NAV2: variants seen among roughly 807,000 people sequenced by gnomAD.
The protein encoded by NAV2 is neuron navigator 2.
NAV2 carries 54 observed loss-of-function variants against 223.2 expected under a neutral mutation model. The ratio of observed to expected loss-of-function variants is 0.24; its 90% CI spans 0.19 to 0.30. NAV2 has a LOEUF of 0.30. NAV2 is among the 10% of genes least tolerant of loss of function. The pLI is 1.00. For missense variants in NAV2, 2,806 were observed against 3,147.5 expected, an observed-to-expected ratio of 0.89 and a Z score of 2.60; for synonymous variants, 1,279 against 1,239.3, an observed-to-expected ratio of 1.03 and a Z score of -0.67.
chr11:20,103,977 G>A (rs763566577), intron 34 of NAV2, among the ~76,000 whole-genome samples: 1 of 152,234 alleles, frequency 6.6e-6, no homozygotes, highest in Non-Finnish European at 1.5e-5. Context: ...GTCAGTGGCA[G>A]AGTGGAACTT....
At chr11:19,467,014 C>CACACACACACACACAG (rs1852383403) in intron 1 of NAV2, among the ~76,000 whole-genome samples, 1 of 139,040 alleles carries the variant, frequency 7.2e-6, no homozygotes, top group African/African-American at 2.7e-5. Flanking sequence ...CACACACACA[C>CACACACACACACACAG]ACACAGAGAG....
chr11:19,899,531 ATCAT>A (rs1404094605), intron 6 of NAV2, among the ~76,000 whole-genome samples: 3 of 152,170 alleles, frequency 2.0e-5, no homozygotes, highest in Non-Finnish European at 4.4e-5. Flanking sequence ...TCATTTCATC[ATCAT>A]TTATAGAGCA....
At chr11:20,072,585 T>C (rs546293522) in intron 22 of NAV2, among the ~76,000 whole-genome samples, 360 of 152,338 alleles carry the variant, frequency 2.4e-3, no homozygotes, top group Non-Finnish European at 4.5e-3. Flanking sequence ...TGTTTTTGCA[T>C]TTGTTTATGT....
intron 1 of NAV2, among the ~76,000 whole-genome samples, chr11:19,366,135 G>C (rs552086103): frequency 1.3e-5 from 2 of 152,322 alleles, no homozygotes; most frequent in South Asian, 4.1e-4. Flanking sequence ...CCCCTGGAGG[G>C]GTGACCTCTC....
chr11:20,000,562 C>T (rs956433204), intron 11 of NAV2, among the ~76,000 whole-genome samples: 3 of 152,074 alleles, frequency 2.0e-5, no homozygotes, highest in Non-Finnish European at 2.9e-5. Flanking sequence ...TAAACAAAGG[C>T]CTCAAGGAAA....
chr11:19,558,717 G>A (rs1178988133), intron 1 of NAV2, among the ~76,000 whole-genome samples: 1 of 152,156 alleles, frequency 6.6e-6, no homozygotes, highest in African/African-American at 2.4e-5. Flanking sequence ...CCCAAAACCT[G>A]GGGCTTCAAT....
intron 1 of NAV2, among the ~76,000 whole-genome samples, chr11:19,824,369 C>T (rs916832850): frequency 2.0e-5 from 3 of 152,178 alleles, no homozygotes; most frequent in Admixed American, 6.5e-5. Context: ...CCAAGTAATA[C>T]ATCAGAAGAT....
chr11:19,526,098 C>A (rs1054606667), intron 1 of NAV2, among the ~76,000 whole-genome samples: 3 of 152,110 alleles, frequency 2.0e-5, no homozygotes, highest in African/African-American at 7.2e-5. Flanking sequence ...GGCCCTACTG[C>A]CACAGTGTCA....
At chr11:19,872,724 G>A (rs756918576) in intron 4 of NAV2, among the ~76,000 whole-genome samples, 21 of 152,188 alleles carry the variant, frequency 1.4e-4, no homozygotes, top group Non-Finnish European at 2.4e-4. Flanking sequence ...GCCCCGACCC[G>A]CCTGCTGGAG....
intron 1 of NAV2, among the ~76,000 whole-genome samples, chr11:19,599,176 A>C (rs1303671838): frequency 6.6e-6 from 1 of 151,994 alleles, no homozygotes; most frequent in Non-Finnish European, 1.5e-5. Context: ...CTCTTTCCTC[A>C]TGCCCAACTT....
At chr11:19,616,234 CTG>C (rs1199132531) in intron 1 of NAV2, among the ~76,000 whole-genome samples, 2 of 151,336 alleles carry the variant, frequency 1.3e-5, no homozygotes, top group African/African-American at 4.9e-5. Flanking sequence ...CTGAGTATTT[CTG>C]TGTTTGTAAT....
chr11:19,686,085 T>C (rs907189876), intron 1 of NAV2, among the ~76,000 whole-genome samples: 1 of 152,280 alleles, frequency 6.6e-6, no homozygotes, highest in East Asian at 1.9e-4. Context: ...CAGGTCCCCA[T>C]GTTCATGTCC....
At chr11:19,579,918 G>A (rs1172241359) in intron 1 of NAV2, among the ~76,000 whole-genome samples, 1 of 152,188 alleles carries the variant, frequency 6.6e-6, no homozygotes, top group Non-Finnish European at 1.5e-5. Context: ...CAGAGGCCCA[G>A]CACGTTAAAC....
At chr11:19,493,652 C>G (rs766015096) in intron 1 of NAV2, among the ~76,000 whole-genome samples, 2 of 152,166 alleles carry the variant, frequency 1.3e-5, no homozygotes, top group African/African-American at 2.4e-5. Flanking sequence ...GGACTGCCAC[C>G]GGATGGAGCC....
intron 6 of NAV2, among the ~76,000 whole-genome samples, chr11:19,928,690 C>A (rs1383108097): frequency 6.6e-6 from 1 of 152,192 alleles, no homozygotes; most frequent in Non-Finnish European, 1.5e-5. Context: ...TTGGAAATCA[C>A]CCAGCTGCAG....
chr11:20,093,533 A>C (rs1468116221), intron 29 of NAV2, among the ~76,000 whole-genome samples: 30 of 152,222 alleles, frequency 2.0e-4, no homozygotes, highest in Admixed American at 2.0e-3. Flanking sequence ...AGAGGCAGCT[A>C]TGCACATTCA....
intron 1 of NAV2, among the ~76,000 whole-genome samples, chr11:19,786,031 G>C (rs2057089476): frequency 6.6e-6 from 1 of 152,106 alleles, no homozygotes; most frequent in South Asian, 2.1e-4. Flanking sequence ...TTCTTAGATA[G>C]CCAAGTTGGT....
chr11:19,829,062 A>G (rs976886252), intron 1 of NAV2, among the ~76,000 whole-genome samples: 1 of 152,296 alleles, frequency 6.6e-6, no homozygotes, highest in Middle Eastern at 3.4e-3. Context: ...AGTTGTAGAG[A>G]CAGTATGTCT....
At chr11:20,024,169 A>T (rs1564865803) in intron 11 of NAV2, among the ~76,000 whole-genome samples, 1 of 152,154 alleles carries the variant, frequency 6.6e-6, no homozygotes. Context: ...GACTCACCGA[A>T]ATACACAGGA....
Sources: allele counts gnomAD v4.1 joint callset (sites outside exome capture counted in the v4.1 genomes callset), GRCh38; gene constraint gnomAD v4.1.1; transcripts MANE v1.5; gene names NCBI Gene and HGNC (gene_info 2026-07-23, HGNC 2026-07-21).